MGAT4C: variants seen among roughly 807,000 people sequenced by gnomAD.
The protein encoded by MGAT4C is MGAT4 family member C, also known as alpha-1,3-mannosyl-glycoprotein 4-beta-N-acetylglucosaminyltransferase C.
In MGAT4C, 19 loss-of-function variants were observed where a neutral mutation model predicts 40.1. The ratio of observed to expected loss-of-function variants is 0.47; its 90% CI spans 0.33 to 0.70. The LOEUF is 0.70. Among genes scored for constraint, MGAT4C ranks in the 30% least tolerant of loss-of-function variants. The pLI is 0.02. For synonymous variants in MGAT4C, 181 were observed against 187.1 expected (o/e 0.97, Z 0.27); for missense variants, 491 against 563.2 (o/e 0.87, Z 1.30).
At chr12:86,609,035 A>C (rs1358263898) in intron 2 of MGAT4C, among the ~76,000 whole-genome samples, 33 of 152,190 alleles carry the variant, frequency 2.2e-4, no homozygotes, top group Non-Finnish European at 7.3e-5. Context: ...TTTGACAAAA[A>C]AGAGCATGCC....
intron 1 of MGAT4C, among the ~76,000 whole-genome samples, chr12:86,116,412 G>A (rs1278405723): frequency 6.6e-6 from 1 of 151,952 alleles, no homozygotes; most frequent in Non-Finnish European, 1.5e-5. Context: ...GTGAGAAGTG[G>A]CCAGATTAGA....
chr12:86,648,733 A>T (rs1396705059), intron 2 of MGAT4C, among the ~76,000 whole-genome samples: 1 of 151,908 alleles, frequency 6.6e-6, no homozygotes, highest in Non-Finnish European at 1.5e-5. Flanking sequence ...ATTTTGTCAT[A>T]GCAGCTAGAA....
chr12:86,159,101 G>T (rs1037004748), intron 1 of MGAT4C, among the ~76,000 whole-genome samples: 1 of 152,086 alleles, frequency 6.6e-6, no homozygotes, highest in Non-Finnish European at 1.5e-5. Flanking sequence ...AGGCATCCTT[G>T]TCTTTTTCCA....
At position 86,149,877 on chromosome 12, in the gene MGAT4C, A is replaced by C. The variant is rs906884530; in HGVS notation, c.-56-100154T>G. On this transcript the variant is annotated intron_variant, in intron 1 of 4. Coordinates refer to ENST00000611864, the MANE Select transcript of MGAT4C (RefSeq NM_001351288.2). ...AAATTAAAGAGAGTATTTTAGGAAA[A>C]GTAGATAAAATGGTAAATTAAAAAC... Among the ~76,000 whole-genome samples, 46 of 152,220 alleles carry C rather than the reference A, an allele frequency of 3.0e-4. 1 individual carries two copies. The highest frequency in any genetic ancestry group is 9.9e-4 in the African/African-American group (41 of 41,456).
intron 4 of MGAT4C, among the ~76,000 whole-genome samples, chr12:86,299,216 A>G (rs1173597173): frequency 1.3e-5 from 2 of 152,168 alleles, no homozygotes; most frequent in African/African-American, 4.8e-5. Context: ...CCTGGGGTTC[A>G]GTTCATTCTC....
At chr12:86,309,965 A>C (rs899813799) in intron 4 of MGAT4C, among the ~76,000 whole-genome samples, 1 of 152,116 alleles carries the variant, frequency 6.6e-6, no homozygotes, top group African/African-American at 2.4e-5. Context: ...AAGGAGAAGG[A>C]GGAAAGAAAG....
chr12:86,142,699 G>C (rs1315370156), intron 1 of MGAT4C, among the ~76,000 whole-genome samples: 1 of 150,956 alleles, frequency 6.6e-6, no homozygotes, highest in Non-Finnish European at 1.5e-5. Flanking sequence ...GAGAGGCATT[G>C]TGGTCCATTC....
intron 1 of MGAT4C, among the ~76,000 whole-genome samples, chr12:86,070,933 A>G (rs1467892826): frequency 6.6e-6 from 1 of 152,078 alleles, no homozygotes; most frequent in African/African-American, 2.4e-5. Context: ...ATGCTTTTAA[A>G]TGGGGATGAA....
intron 1 of MGAT4C, among the ~76,000 whole-genome samples, chr12:86,186,160 C>T (rs921085285): frequency 1.3e-5 from 2 of 152,054 alleles, no homozygotes; most frequent in Non-Finnish European, 2.9e-5. Flanking sequence ...CACACTAGTG[C>T]CTTCCAACCA....
At chr12:86,205,749 ACT>A (rs1213316640) in intron 1 of MGAT4C, among the ~76,000 whole-genome samples, 1 of 151,886 alleles carries the variant, frequency 6.6e-6, no homozygotes, top group African/African-American at 2.4e-5. Flanking sequence ...TTCTTTCTTG[ACT>A]CTATATTTCC....
intron 2 of MGAT4C, among the ~76,000 whole-genome samples, chr12:86,010,933 T>A (rs1030279634): frequency 2.6e-5 from 4 of 152,148 alleles, no homozygotes; most frequent in Middle Eastern, 6.3e-3. Flanking sequence ...TTTAGTCTTG[T>A]GATGCCTTTT....
intron 3 of MGAT4C, among the ~76,000 whole-genome samples, chr12:86,408,479 C>CTCTGTATATATATATATATA (rs1267344319): frequency 1.6e-5 from 1 of 63,368 alleles, no homozygotes; most frequent in African/African-American, 7.8e-5. Context: ...CTCTCTCTCT[C>CTCTGTATATATATATATATA]TATATATATA....
chr12:86,458,168 A>G (rs1957541247), intron 2 of MGAT4C, among the ~76,000 whole-genome samples: 1 of 152,168 alleles, frequency 6.6e-6, no homozygotes, highest in Admixed American at 6.6e-5. Flanking sequence ...AGCTACCTTA[A>G]ATTTATTTTA....
chr12:86,026,071 A>G (rs540560017), intron 2 of MGAT4C, among the ~76,000 whole-genome samples: 1 of 151,964 alleles, frequency 6.6e-6, no homozygotes, highest in East Asian at 1.9e-4. Context: ...CTGAAATTTC[A>G]TGTTCTTGCT....
At chr12:86,498,877 T>C (rs1490794686) in intron 2 of MGAT4C, among the ~76,000 whole-genome samples, 2 of 151,886 alleles carry the variant, frequency 1.3e-5, no homozygotes, top group African/African-American at 4.8e-5. Context: ...AAGAAATCAC[T>C]AGTGATACTG....
intron 1 of MGAT4C, among the ~76,000 whole-genome samples, chr12:86,234,071 C>T (rs1270940818): frequency 1.3e-5 from 2 of 151,848 alleles, no homozygotes; most frequent in Non-Finnish European, 2.9e-5. Context: ...ATAGTAATAA[C>T]AATAAAAAGG....
At chr12:86,275,267 A>G (rs1592632279) in intron 4 of MGAT4C, among the ~76,000 whole-genome samples, 2 of 152,198 alleles carry the variant, frequency 1.3e-5, no homozygotes, top group South Asian at 2.1e-4. Flanking sequence ...TAAGAGTAAG[A>G]GCACTGGAGT....
chr12:86,392,178 T>G (rs1956171852), intron 3 of MGAT4C, among the ~76,000 whole-genome samples: 1 of 152,002 alleles, frequency 6.6e-6, no homozygotes, highest in African/African-American at 2.4e-5. Flanking sequence ...AGAGCAAGAA[T>G]TAGGTAATGT....
chr12:86,085,802 C>T (rs1456754486), intron 1 of MGAT4C, among the ~76,000 whole-genome samples: 1 of 152,076 alleles, frequency 6.6e-6, no homozygotes, highest in African/African-American at 2.4e-5. Flanking sequence ...CTCGTAATCA[C>T]TGGTCATTAG....
Sources: allele counts gnomAD v4.1 joint callset (sites outside exome capture counted in the v4.1 genomes callset), GRCh38; gene constraint gnomAD v4.1.1; transcripts MANE v1.5; gene names NCBI Gene and HGNC (gene_info 2026-07-23, HGNC 2026-07-21).